Variants in CNTNAP5 observed in about 807,000 individuals in gnomAD.
CNTNAP5 encodes the protein contactin-associated protein-like 5.
Under a neutral mutation model 150.2 loss-of-function variants are expected in CNTNAP5, and 72 were observed. That is an observed-to-expected ratio of 0.48 (90% CI 0.40 to 0.58). CNTNAP5 has a LOEUF of 0.58. CNTNAP5 is among the 20% of genes least tolerant of loss of function. The pLI, the probability that CNTNAP5 is intolerant of heterozygous loss-of-function variation, is 0.00. For synonymous variants in CNTNAP5, 672 were observed against 619.8 expected (o/e 1.08, Z -1.25); for missense variants, 1,636 against 1,626.2 (o/e 1.01, Z -0.10).
chr2:124,148,317 A>G (rs1684306655), intron 1 of CNTNAP5, among the ~76,000 whole-genome samples: 1 of 151,284 alleles, frequency 6.6e-6, no homozygotes, highest in African/African-American at 2.4e-5. Context: ...AAGAAAGAAA[A>G]AAAAGAAAAT....
At chr2:124,511,370 A>G (rs550116042) in intron 8 of CNTNAP5, among the ~76,000 whole-genome samples, 1 of 152,232 alleles carries the variant, frequency 6.6e-6, no homozygotes, top group African/African-American at 2.4e-5. Context: ...AGAAACAGGC[A>G]TGGAGTTTTA....
chr2:124,396,052 T>C (rs558125161), intron 3 of CNTNAP5, among the ~76,000 whole-genome samples: 1 of 152,148 alleles, frequency 6.6e-6, no homozygotes, highest in South Asian at 2.1e-4. Context: ...CATTGAGCAG[T>C]CTAATTTTTT....
At position 124,919,214 on chromosome 2, in the gene CNTNAP5, T is replaced by G. The variant is rs1678826778; in HGVS notation, c.*4926T>G. ...ACATTCTACATACATATCTGTTTGG[T>G]AGGGAGAGAAGCATTCCTCTTTTAT... On this transcript the variant is annotated 3_prime_UTR_variant, in exon 24 of 24. Coordinates refer to ENST00000682447, the MANE Select transcript of CNTNAP5 (RefSeq NM_001367498.1). 6.6e-6 allele frequency among the ~76,000 whole-genome samples: 1 copy of G among 152,104 alleles called. No homozygotes were observed. Among genetic ancestry groups the G allele is most frequent in the Admixed American group, 6.6e-5 (1 of 15,252 alleles).
intron 10 of CNTNAP5, among the ~76,000 whole-genome samples, chr2:124,530,628 G>C (rs552769284): frequency 2.0e-4 from 30 of 152,150 alleles, no homozygotes; most frequent in Non-Finnish European, 4.0e-4. Context: ...AACTGGCCTT[G>C]CGCACGGCTC....
chr2:124,553,750 C>CA (rs1470798629), intron 10 of CNTNAP5, among the ~76,000 whole-genome samples: 17 of 152,050 alleles, frequency 1.1e-4, no homozygotes, highest in Admixed American at 1.0e-3. Flanking sequence ...TTATTTTCAC[C>CA]AAAAGGCAAC....
At chr2:124,846,636 T>G (rs1683053259) in intron 19 of CNTNAP5, among the ~76,000 whole-genome samples, 1 of 152,178 alleles carries the variant, frequency 6.6e-6, no homozygotes, top group African/African-American at 2.4e-5. Flanking sequence ...TTTGGGGGTG[T>G]TAAAGAAACT....
chr2:124,166,526 A>G (rs955513772), intron 1 of CNTNAP5, among the ~76,000 whole-genome samples: 2 of 152,160 alleles, frequency 1.3e-5, no homozygotes, highest in African/African-American at 4.8e-5. Context: ...TCTCTGGTAG[A>G]TCATTCAGCT....
intron 1 of CNTNAP5, among the ~76,000 whole-genome samples, chr2:124,176,605 T>A (rs1685069978): frequency 6.6e-6 from 1 of 152,106 alleles, no homozygotes; most frequent in South Asian, 2.1e-4. Flanking sequence ...ACTCCACTTT[T>A]GTGCTTAGGT....
chr2:124,648,097 G>A (rs1019506915), intron 13 of CNTNAP5, 139 bp downstream of exon 13: 1 of 716,492 alleles, frequency 1.4e-6, no homozygotes, highest in Non-Finnish European at 2.3e-6. Flanking sequence ...CAACAAGAGG[G>A]GTCTGGTTAT....
chr2:124,346,291 G>C (rs1422467114), intron 3 of CNTNAP5, among the ~76,000 whole-genome samples: 2 of 152,172 alleles, frequency 1.3e-5, no homozygotes, highest in African/African-American at 4.8e-5. Flanking sequence ...ATTCGTTCAA[G>C]GTCATTAGCA....
chr2:124,463,090 C>T (rs533088813), intron 6 of CNTNAP5, among the ~76,000 whole-genome samples: 97 of 152,226 alleles, frequency 6.4e-4, no homozygotes, highest in Middle Eastern at 3.4e-3. Context: ...AGGATATGAC[C>T]GAGGAAGACC....
intron 1 of CNTNAP5, among the ~76,000 whole-genome samples, chr2:124,187,113 T>A (rs576657186): frequency 4.6e-5 from 7 of 151,690 alleles, no homozygotes; most frequent in Non-Finnish European, 5.9e-5. Context: ...TCTTCCCTAC[T>A]CCACAGTTCT....
At chr2:124,222,200 T>C (rs1207804752) in intron 2 of CNTNAP5, among the ~76,000 whole-genome samples, 2 of 152,084 alleles carry the variant, frequency 1.3e-5, no homozygotes, top group African/African-American at 2.4e-5. Context: ...TACTTGAAAA[T>C]TAATATTGCT....
intron 14 of CNTNAP5, among the ~76,000 whole-genome samples, chr2:124,759,019 G>A (rs1680900666): frequency 6.6e-6 from 1 of 151,908 alleles, no homozygotes; most frequent in African/African-American, 2.4e-5. Context: ...ACATACACAA[G>A]TCAATATATA....
chr2:124,301,837 G>A (rs540434016), intron 3 of CNTNAP5, among the ~76,000 whole-genome samples: 46 of 152,220 alleles, frequency 3.0e-4, no homozygotes, highest in East Asian at 1.5e-3. Flanking sequence ...GACTCCTTAC[G>A]GGAAAATGTC....
chr2:124,224,702 G>A (rs951989057), intron 2 of CNTNAP5, among the ~76,000 whole-genome samples: 16 of 151,644 alleles, frequency 1.1e-4, no homozygotes, highest in African/African-American at 3.6e-4. Flanking sequence ...ATACATATGT[G>A]GTATACAGAT....
intron 1 of CNTNAP5, among the ~76,000 whole-genome samples, chr2:124,101,454 G>A (rs1446967268): frequency 6.6e-6 from 1 of 152,096 alleles, no homozygotes; most frequent in Non-Finnish European, 1.5e-5. Flanking sequence ...GAACAAAGCT[G>A]GAAAGGGGCA....
chr2:124,348,792 GAAATAGTGTT>G (rs1454332228), intron 3 of CNTNAP5, among the ~76,000 whole-genome samples: 8 of 151,948 alleles, frequency 5.3e-5, no homozygotes, highest in Non-Finnish European at 1.0e-4. Context: ...CAAATTTCTA[GAAATAGTGTT>G]ATAGAATCAC....
intron 11 of CNTNAP5, among the ~76,000 whole-genome samples, chr2:124,569,962 C>A (rs1452956696): frequency 6.6e-6 from 1 of 152,134 alleles, no homozygotes; most frequent in Non-Finnish European, 1.5e-5. Flanking sequence ...GGTGAGAAAA[C>A]ATGCCTTACT....
Sources: gnomAD v4.1 joint callset for allele counts (sites outside exome capture counted in the v4.1 genomes callset) on GRCh38, gnomAD v4.1.1 for gene constraint, MANE v1.5 for transcripts, NCBI Gene and HGNC (gene_info 2026-07-23, HGNC 2026-07-21) for gene names.